RNFT1: variants seen among roughly 807,000 people sequenced by gnomAD.
RNFT1 encodes ring finger protein, transmembrane 1, also known as E3 ubiquitin-protein ligase RNFT1.
Under a neutral mutation model 53.2 loss-of-function variants are expected in RNFT1, and 35 were observed. The ratio of observed to expected loss-of-function variants is 0.66; its 90% CI spans 0.50 to 0.87. The LOEUF (loss-of-function observed/expected upper bound fraction) is 0.87. Ranked by LOEUF, RNFT1 falls within the 40% of genes least tolerant of loss-of-function variation. The pLI is 0.00. For missense variants in RNFT1, 421 were observed against 515.0 expected (o/e 0.82, Z 1.77); for synonymous variants, 141 against 172.8 (o/e 0.82, Z 1.44).
At position 59,963,174 on chromosome 17, in the gene RNFT1, T is replaced by C. The variant is rs2045308249; in HGVS notation, c.167A>G (p.Asp56Gly). Residue 56 changes from aspartate (D) to glycine (G), a missense_variant, in exon 2 of 9, where the codon GAT becomes GGT. Transcript: ENST00000305783. ...HSPPGTGSSE[D>G]ASTPQCVHTR... is the part of the protein sequence containing the mutation. ...GTGGACACACTGAGGGGTTGAGGCA[T>C]CCTCACTGCTTCCAGTTCCTGGAGG... is the stretch of plus-strand genomic sequence containing the variant. The C allele has an allele frequency of 1.2e-6, 2 of 1,614,226 alleles. No individual in the cohort carries two copies. The highest frequency in any genetic ancestry group is 8.5e-7 in the Non-Finnish European group (1 of 1,180,036).
At position 59,957,247 on chromosome 17, in the gene RNFT1, C is replaced by A; in HGVS notation, c.982G>T (p.Ala328Ser). 6.2e-7 allele frequency: 1 copy of A among 1,612,924 alleles called. No individual in the cohort carries two copies. Among genetic ancestry groups the A allele is most frequent in the Non-Finnish European group, 8.5e-7 (1 of 1,179,602 alleles). Residue 328 changes from alanine (A) to serine (S), a missense_variant, in exon 6 of 9, where the codon GCT (alanine) becomes TCT (serine). Ala to Ser is a moderately conservative substitution (Grantham distance 99, BLOSUM62 1). Transcript: ENST00000305783. ...VTRWSLGILL[A>S]LLYLILKLLE... ...ACTTTTAATATGAGGTAGAGTAAAG[C>A]CAGCAGTATCCCAAGACTCCATCTA...
Position 59,954,361 on chromosome 17 carries a change from A to G in RNFT1, c.1072-215T>C, listed in dbSNP as rs139402154. Among the ~76,000 whole-genome samples the G allele has an allele frequency of 7.3e-3, 1,111 of 152,354 alleles. 7 individuals are homozygous for G. The highest frequency in any genetic ancestry group is 0.018 in the South Asian group (85 of 4,830). On this transcript the variant is annotated intron_variant, in intron 7 of 8. Transcript: ENST00000305783. The stretch of plus-strand genomic sequence containing the variant: ...AAATAATACATAATAGGATTTTGAA[A>G]GATTGTTAGATCTACTAGCTTTACA...
At chr17:59,960,000 A>G in intron 4 of RNFT1, 68 bp downstream of exon 4, 2 of 1,472,614 alleles carry the variant, frequency 1.4e-6, no homozygotes, top group Non-Finnish European at 1.8e-6. Context: ...ATGTGAAGTA[A>G]GATACAAAGT....
intron 7 of RNFT1, among the ~76,000 whole-genome samples, chr17:59,954,766 T>C (rs2045243457): frequency 6.6e-6 from 1 of 152,200 alleles, no homozygotes; most frequent in Non-Finnish European, 1.5e-5. Context: ...ATAAAAAGCA[T>C]TTAGTGCTAA....
In RNFT1 at chr17:59,952,554, AGTC is replaced by A. The variant is rs1361556478; in HGVS notation, c.*420_*422del. ...GAATTTTTAGGATGGGAATTATAAAAGTCAATGCTGAACAAAATTCTACTTTTA... is the reference window on the plus strand; with the variant it reads ...GAATTTTTAGGATGGGAATTATAAAAAATGCTGAACAAAATTCTACTTTTA... On this transcript the variant is annotated 3_prime_UTR_variant, in exon 9 of 9. Transcript: ENST00000305783. 1 of 152,802 alleles carries A rather than the reference AGTC, an allele frequency of 6.5e-6. No individual in the cohort carries two copies. Among genetic ancestry groups the A allele is most frequent in the Non-Finnish European group, 1.5e-5 (1 of 68,202 alleles). The allele number at this position is 152,802 out of a possible 1,614,324, so 9.5% of individuals were successfully genotyped here. A position where few individuals can be genotyped will look rare whatever the true frequency, so the allele number is the denominator to read the frequency against.
intron 3 of RNFT1, among the ~76,000 whole-genome samples, chr17:59,960,672 G>C (rs1302620449): frequency 6.6e-6 from 1 of 151,812 alleles, no homozygotes; most frequent in Non-Finnish European, 1.5e-5. Flanking sequence ...AGTTAGCCAG[G>C]CGCCGTGGCA....
intron 7 of RNFT1, among the ~76,000 whole-genome samples, chr17:59,954,678 C>T (rs1373231353): frequency 6.6e-6 from 1 of 152,144 alleles, no homozygotes; most frequent in Admixed American, 6.5e-5. Flanking sequence ...GAAAGGTCTC[C>T]AAGTGAGTGC....
chr17:59,955,860 A>T (rs922293190), intron 7 of RNFT1, among the ~76,000 whole-genome samples: 4 of 152,174 alleles, frequency 2.6e-5, no homozygotes, highest in Admixed American at 2.6e-4. Flanking sequence ...GGAACCTTTC[A>T]GGCTACTAAG....
At chr17:59,956,389 C>A in intron 7 of RNFT1, 99 bp downstream of exon 7, 1 of 741,526 alleles carries the variant, frequency 1.3e-6, no homozygotes, top group Non-Finnish European at 2.3e-6. Context: ...AAAGGATCAT[C>A]TATTTATGAA....
Position 59,957,215 on chromosome 17 carries a change from G to A in RNFT1, c.1005+9C>T. ...ATCATGCAGTGACAAGATTTGTAATGTTACCTACTTTTAATATGAGGTAGA... is the reference window on the plus strand; with the variant it reads ...ATCATGCAGTGACAAGATTTGTAATATTACCTACTTTTAATATGAGGTAGA... On this transcript the variant is annotated intron_variant, in intron 6 of 8. Transcript: ENST00000305783. 1.9e-6 allele frequency: 3 copies of A among 1,609,446 alleles called. No individual in the cohort carries two copies. Among genetic ancestry groups the A allele is most frequent in the Admixed American group, 1.7e-5 (1 of 59,016 alleles).
intron 7 of RNFT1, among the ~76,000 whole-genome samples, chr17:59,954,718 G>T (rs1036765742): frequency 3.9e-5 from 6 of 152,166 alleles, no homozygotes; most frequent in African/African-American, 1.4e-4. Flanking sequence ...GACCACTGAA[G>T]AATTTTCTGC....
chr17:59,962,373 T>C (rs562852645), intron 3 of RNFT1, 167 bp downstream of exon 3: 2 of 556,190 alleles, frequency 3.6e-6, no homozygotes, highest in African/African-American at 1.9e-5. Context: ...TTAGGAGAGA[T>C]AATTTATTCC....
intron 2 of RNFT1, 26 bp from the exon 3 acceptor site, chr17:59,962,642 T>C: frequency 2.6e-6 from 4 of 1,532,582 alleles, no homozygotes; most frequent in Non-Finnish European, 2.7e-6. Flanking sequence ...TTCCAGTTAA[T>C]TGAAAGAAAA....
In RNFT1 at chr17:59,953,775, G is replaced by A. The variant is rs372482036; in HGVS notation, c.1173+270C>T. On this transcript the variant is annotated intron_variant, in intron 8 of 8. Coordinates refer to ENST00000305783, the MANE Select transcript of RNFT1 (RefSeq NM_016125.4). ...ATGTCAGTATTGTTCTACATGGCTAGTATCCAATTATAAAATAGCCTGTTT... is the reference window on the plus strand; with the variant it reads ...ATGTCAGTATTGTTCTACATGGCTAATATCCAATTATAAAATAGCCTGTTT... Among the ~76,000 whole-genome samples, 5 of 152,296 alleles carry A rather than the reference G, an allele frequency of 3.3e-5. No homozygotes were observed. In the South Asian group the frequency reaches 8.3e-4, roughly 25 times the overall value.
intron 7 of RNFT1, among the ~76,000 whole-genome samples, chr17:59,956,253 A>G (rs1479415188): frequency 6.6e-6 from 1 of 152,212 alleles, no homozygotes; most frequent in African/African-American, 2.4e-5. Context: ...GTTCAAATAT[A>G]TAAGCACTGC....
intron 4 of RNFT1, chr17:59,958,687 T>C: frequency 1.8e-6 from 1 of 551,228 alleles, no homozygotes; most frequent in East Asian, 4.3e-5. Context: ...TTGTCATAGT[T>C]GACACCTTTC....
Position 59,955,471 on chromosome 17 carries a change from AAAG to A in RNFT1, c.1071+1014_1071+1016del, listed in dbSNP as rs2045248147. On this transcript the variant is annotated intron_variant, in intron 7 of 8. Coordinates refer to ENST00000305783, the MANE Select transcript of RNFT1 (RefSeq NM_016125.4). ...ATCCTCTCTGTAGTTTGTCTCAGAG[AAAG>A]AATATCAGGGTATTTTCTTGAGAGT... Among the ~76,000 whole-genome samples the A allele has an allele frequency of 2.0e-5, 3 of 152,222 alleles. No individual in the cohort carries two copies. The South Asian group carries it at 6.2e-4, about 31-fold the overall frequency.
chr17:59,954,018 G>A, intron 8 of RNFT1, 27 bp downstream of exon 8: 1 of 1,384,798 alleles, frequency 7.2e-7, no homozygotes, highest in South Asian at 1.3e-5. Flanking sequence ...GTTGTATTTA[G>A]GTTTTTAAAT....
rs2045228678 is a variant in RNFT1 at position 59,952,721 on chromosome 17, A to C, written c.*256T>G. ...GGTAACATAAAGAAAACACATTTAC[A>C]ATTTAACACTGCAGTTACCTGTCAA... is the stretch of plus-strand genomic sequence containing the variant. On this transcript the variant is annotated 3_prime_UTR_variant, in exon 9 of 9. Transcript: ENST00000305783. 2 of 272,248 alleles carry C rather than the reference A, an allele frequency of 7.3e-6. No individual in the cohort carries two copies. Among genetic ancestry groups the C allele is most frequent in the South Asian group, 1.5e-4 (1 of 6,832 alleles). 16.9% of individuals were successfully genotyped at this position (272,248 alleles called of 1,614,324 possible).
Sources: gnomAD v4.1 joint callset for allele counts (sites outside exome capture counted in the v4.1 genomes callset) on GRCh38, gnomAD v4.1.1 for gene constraint, MANE v1.5 for transcripts, NCBI Gene and HGNC (gene_info 2026-07-23, HGNC 2026-07-21) for gene names.